Variants in UNC13B observed in about 807,000 individuals in gnomAD.
The protein encoded by UNC13B is unc-13 homolog B, also known as protein unc-13 homolog B.
UNC13B carries 144 observed loss-of-function variants against 211.0 expected under a neutral mutation model. The observed-to-expected ratio is 0.68, with a 90% CI of 0.60 to 0.78. The LOEUF is 0.78. UNC13B is among the 30% of genes least tolerant of loss of function. The pLI is 0.00. For missense variants in UNC13B, 1,777 were observed against 2,002.0 expected, an observed-to-expected ratio of 0.89 and a Z score of 2.14; for synonymous variants, 709 against 725.8, an observed-to-expected ratio of 0.98 and a Z score of 0.37.
At position 35,162,301 on chromosome 9, in the gene UNC13B, G is replaced by C; in HGVS notation, c.18G>C (p.Val6=). 1 of 1,543,660 alleles carries C rather than the reference G, an allele frequency of 6.5e-7. No homozygotes were observed. The highest frequency in any genetic ancestry group is 8.7e-7 in the Non-Finnish European group (1 of 1,149,540). ...CCTCGGCCATGTCACTGCTCTGCGT[G>C]CGCGGTGAGTGCGCGGACTGAGGCG... MSLLC[V]RVKRAKFQGS... Residue 6 remains valine, a synonymous_variant, in exon 1 of 40, where the codon GTG becomes GTC. Transcript: ENST00000635942.
rs1391553887 is a variant in UNC13B at position 35,260,328 on chromosome 9, C to T, written c.526+1278C>T. On this transcript the variant is annotated intron_variant, in intron 7 of 39. Coordinates refer to ENST00000635942, the MANE Select transcript of UNC13B (RefSeq NM_001371189.2). ...CTAATTTATTTAAACTTCACAACAA[C>T]CCTAAGACAGATTTTACTGTTGTTC... 2.0e-5 allele frequency among the ~76,000 whole-genome samples: 3 copies of T among 152,336 alleles called. No individual in the cohort carries two copies. The East Asian group carries it at 5.8e-4, about 29-fold the overall frequency.
intron 6 of UNC13B, among the ~76,000 whole-genome samples, chr9:35,252,071 T>C (rs911182078): frequency 4.6e-5 from 7 of 152,208 alleles, no homozygotes; most frequent in Non-Finnish European, 8.8e-5. Context: ...ATTTTGCTGA[T>C]TGTGTCCCCA....
intron 11 of UNC13B, chr9:35,352,492 T>TCAA (rs1321474505): frequency 8.1e-7 from 1 of 1,231,978 alleles, no homozygotes; most frequent in Non-Finnish European, 1.0e-6. Context: ...TATCATTTTT[T>TCAA]CAACAACAAC....
At chr9:35,378,926 T>C (rs1834635683) in intron 17 of UNC13B, among the ~76,000 whole-genome samples, 1 of 152,212 alleles carries the variant, frequency 6.6e-6, no homozygotes, top group Admixed American at 6.5e-5. Context: ...AGATAGTGTT[T>C]CTTCCTGCCT....
At chr9:35,174,876 G>A (rs1270893246) in intron 1 of UNC13B, among the ~76,000 whole-genome samples, 1 of 152,100 alleles carries the variant, frequency 6.6e-6, no homozygotes, top group Non-Finnish European at 1.5e-5. Context: ...ATGAGCCACC[G>A]CGCCCGGCCA....
chr9:35,333,847 G>A lies in UNC13B; in HGVS notation c.9414+19858G>A, dbSNP rs1831499896. Among the ~76,000 whole-genome samples the A allele has an allele frequency of 2.6e-5, 4 of 152,214 alleles. No homozygotes were observed. The South Asian group carries it at 8.3e-4, about 31-fold the overall frequency. On this transcript the variant is annotated intron_variant, in intron 11 of 39. Transcript: ENST00000635942. ...TGACTTCAGGCCCAAAGAAGAATAA[G>A]CACTGTAATTGGGCTAATATGCTGG...
chr9:35,360,953 A>G (rs1248810797), intron 11 of UNC13B: 1 of 152,256 alleles, frequency 6.6e-6, no homozygotes, highest in Non-Finnish European at 1.5e-5. Context: ...TGTTGGGATT[A>G]TAGGCATGAG....
rs1188731793 is a variant in UNC13B, at chr9:35,371,628, T to A, written c.9540+1232T>A. 3.9e-5 allele frequency among the ~76,000 whole-genome samples: 6 copies of A among 152,218 alleles called. No individual in the cohort carries two copies. In the South Asian group the frequency reaches 1.0e-3, roughly 26 times the overall value. On this transcript the variant is annotated intron_variant, in intron 13 of 39. Coordinates refer to ENST00000635942, the MANE Select transcript of UNC13B (RefSeq NM_001371189.2). ...TTTCTTCCTCTTCTTCCTACTTTTT[T>A]TCCTCATCCTTTCTCACTGTTTGCC...
At chr9:35,271,174 C>A (rs184202502) in intron 7 of UNC13B, among the ~76,000 whole-genome samples, 61 of 151,816 alleles carry the variant, frequency 4.0e-4, no homozygotes, top group Non-Finnish European at 2.9e-4. Context: ...TTTCTCCCCC[C>A]ATTAAATTGC....
At position 35,330,977 on chromosome 9, in the gene UNC13B, G is replaced by A. The variant is rs148017375; in HGVS notation, c.9414+16988G>A. On this transcript the variant is annotated intron_variant, in intron 11 of 39. Transcript: ENST00000635942. ...GCTCCAAATGGTAGGTATTTTCTGG[G>A]CATAGTATCAATAAAGGGAGGTACA... 1.4e-3 allele frequency among the ~76,000 whole-genome samples: 208 copies of A among 152,264 alleles called. 1 individual carries two copies. The highest frequency in any genetic ancestry group is 4.7e-3 in the African/African-American group (196 of 41,570).
chr9:35,380,601 G>A lies in UNC13B; in HGVS notation c.10337G>A (p.Arg3446Gln), dbSNP rs144007866. 1.9e-4 allele frequency: 307 copies of A among 1,614,060 alleles called. No homozygotes were observed. Among genetic ancestry groups the A allele is most frequent in the Non-Finnish European group, 2.1e-4 (248 of 1,180,040 alleles). The change falls in exon 18 of 40, where the codon CGG (arginine) becomes CAG (glutamine). Residue 3446 changes from arginine to glutamine, a missense_variant. Physicochemically the swap from Arg to Gln is conservative, Grantham distance 43 (BLOSUM62 1). Transcript: ENST00000635942. ...CTTGGCCAAACCATCATTGAGGTTC[G>A]GACCCTAAGTGGCGAGATGGACGTC... ...DFLGQTIIEVRTLSGEMDVWY... is the reference protein window; with the variant it reads ...DFLGQTIIEVQTLSGEMDVWY...
In UNC13B at chr9:35,377,546, A is replaced by AGATCCGAGAGC. The variant is rs1416840431; in HGVS notation, c.9917_9927dup (p.Asn3310SerfsTer19). The AGATCCGAGAGC allele has an allele frequency of 6.2e-7, 1 of 1,614,250 alleles. No homozygotes were observed. The highest frequency in any genetic ancestry group is 2.2e-5 in the East Asian group (1 of 44,894). ...ATCATGGCCATGAAGGACCGCATGA[A>AGATCCGAGAGC]GATCCGAGAGCGAAATAAGCCAGAG... is the stretch of plus-strand genomic sequence containing the variant. On this transcript the variant is annotated frameshift_variant, in exon 16 of 40. Coordinates refer to ENST00000635942, the MANE Select transcript of UNC13B (RefSeq NM_001371189.2). LOFTEE classifies it high-confidence loss of function.
chr9:35,327,499 C>T (rs1277800371), intron 11 of UNC13B, among the ~76,000 whole-genome samples: 1 of 152,130 alleles, frequency 6.6e-6, no homozygotes, highest in African/African-American at 2.4e-5. Context: ...AAGCAAATGT[C>T]CACATGGGAA....
intron 1 of UNC13B, among the ~76,000 whole-genome samples, chr9:35,163,403 A>G (rs77002173): frequency 0.011 from 1,724 of 152,286 alleles, 27 homozygotes; most frequent in East Asian, 0.05. Context: ...CTCTTCCACT[A>G]TTTTGTTGAA....
chr9:35,282,576 C>G (rs1828562065), intron 7 of UNC13B, among the ~76,000 whole-genome samples: 1 of 152,036 alleles, frequency 6.6e-6, no homozygotes, highest in Admixed American at 6.6e-5. Context: ...GGACTACAGG[C>G]ACATGCCACC....
chr9:35,208,746 T>C (rs1433121183), intron 1 of UNC13B, among the ~76,000 whole-genome samples: 1 of 152,148 alleles, frequency 6.6e-6, no homozygotes, highest in African/African-American at 2.4e-5. Context: ...ACCCCCATGA[T>C]CCAGTCACCT....
At chr9:35,364,645 G>T in intron 11 of UNC13B, 2 of 1,408,712 alleles carry the variant, frequency 1.4e-6, no homozygotes, top group Non-Finnish European at 9.5e-7. Flanking sequence ...ATGTGTGTGT[G>T]TATGTGTGTG....
intron 1 of UNC13B, among the ~76,000 whole-genome samples, chr9:35,225,879 G>C (rs986799368): frequency 1.3e-5 from 2 of 152,120 alleles, no homozygotes; most frequent in Non-Finnish European, 2.9e-5. Flanking sequence ...TTGGATCCCC[G>C]CGGTGACGTG....
At chr9:35,282,445 GT>G (rs1218401823) in intron 7 of UNC13B, among the ~76,000 whole-genome samples, 1 of 151,528 alleles carries the variant, frequency 6.6e-6, no homozygotes, top group East Asian at 1.9e-4. Flanking sequence ...GTTTTGTTTT[GT>G]TTTTGGGATA....
Sources: gnomAD v4.1 joint callset for allele counts (sites outside exome capture counted in the v4.1 genomes callset) on GRCh38, gnomAD v4.1.1 for gene constraint, MANE v1.5 for transcripts, NCBI Gene and HGNC (gene_info 2026-07-23, HGNC 2026-07-21) for gene names.